Variants in ARHGAP29 observed in about 807,000 individuals in gnomAD.
ARHGAP29 encodes the protein Rho GTPase activating protein 29.
A neutral mutation model predicts 122.6 loss-of-function variants in ARHGAP29; 43 were observed. The ratio of observed to expected loss-of-function variants is 0.35; its 90% CI spans 0.27 to 0.45. The LOEUF is 0.45. ARHGAP29 is among the 20% of genes least tolerant of loss of function. The pLI, the probability that ARHGAP29 is intolerant of heterozygous loss-of-function variation, is 1.00. For synonymous variants in ARHGAP29, 506 were observed against 497.1 expected (o/e 1.02, Z -0.24); for missense variants, 1,303 against 1,477.2 (o/e 0.88, Z 1.93).
chr1:94,235,788 A>C (rs994316175), intron 1 of ARHGAP29, among the ~76,000 whole-genome samples: 9 of 152,198 alleles, frequency 5.9e-5, no homozygotes, highest in African/African-American at 1.9e-4. Flanking sequence ...CTTCCATTGT[A>C]TGTTGTAAAT....
chr1:94,309,480 C>T, the ARHGAP29 span, among the ~76,000 whole-genome samples: 7 of 152,308 alleles, frequency 4.6e-5, no homozygotes, highest in South Asian at 6.2e-4. Context: ...CACTCACAGC[C>T]GTTCCAAACA....
chr1:94,174,753 A>C lies in ARHGAP29; in HGVS notation c.2906-4T>G. The C allele has an allele frequency of 6.2e-7, 1 of 1,608,800 alleles. No individual in the cohort carries two copies. Among genetic ancestry groups the C allele is most frequent in the Non-Finnish European group, 8.5e-7 (1 of 1,177,874 alleles). ...TCTAGAAGCAACTGTGCTTTGTCTG[A>C]AAATGAAAGAAATCTATTTAAGTTT... On this transcript the variant is annotated splice_region_variant and splice_polypyrimidine_tract_variant and intron_variant, in intron 22 of 22. Coordinates refer to ENST00000260526, the MANE Select transcript of ARHGAP29 (RefSeq NM_004815.4).
chr1:94,299,841 G>A, the ARHGAP29 span, among the ~76,000 whole-genome samples: 2 of 152,110 alleles, frequency 1.3e-5, no homozygotes, highest in South Asian at 2.1e-4. Flanking sequence ...TTATCTGGAG[G>A]GACTGGGCAG....
intron 1 of ARHGAP29, among the ~76,000 whole-genome samples, chr1:94,253,818 G>A (rs1654218313): frequency 6.6e-6 from 1 of 152,194 alleles, no homozygotes; most frequent in South Asian, 2.1e-4. Flanking sequence ...TACTACTAGT[G>A]ACTTAGTGAC....
chr1:94,200,788 T>C (rs1366324300), intron 12 of ARHGAP29, among the ~76,000 whole-genome samples: 1 of 152,204 alleles, frequency 6.6e-6, no homozygotes, highest in Non-Finnish European at 1.5e-5. Flanking sequence ...CAAAAGGTTA[T>C]ATACTATATG....
intron 1 of ARHGAP29, among the ~76,000 whole-genome samples, chr1:94,268,196 A>T (rs1321081056): frequency 1.3e-5 from 2 of 152,216 alleles, no homozygotes; most frequent in Non-Finnish European, 2.9e-5. Flanking sequence ...TTTGTATTAC[A>T]TGGCAAGACC....
Position 94,174,437 on chromosome 1 carries a change from T to C in ARHGAP29, c.3218A>G (p.Asp1073Gly), listed in dbSNP as rs750287257. ...TTVCSKFNGF[D>G]QQTLQKIQDK... ...CTGAATTTTCTGTAGAGTTTGCTGG[T>C]CAAAGCCATTAAATTTGGAACAAAC... The change falls in exon 23 of 23, where the codon GAC (aspartate) becomes GGC (glycine). Residue 1073 changes from aspartate to glycine, a missense_variant. By Grantham distance (94) the Asp-to-Gly change is moderately conservative. Transcript: ENST00000260526. 1.6e-4 allele frequency: 257 copies of C among 1,614,120 alleles called. No individual in the cohort carries two copies. The highest frequency in any genetic ancestry group is 2.1e-4 in the Non-Finnish European group (250 of 1,180,052).
chr1:94,174,698 AT>A lies in ARHGAP29; in HGVS notation c.2956del (p.Ile986Ter). ...TGGCTTAGGGGTTTTACCATCTTCT[AT>A]CTTTTGGGATGCTGATTCAGCCTCT... The part of the protein sequence containing the change: ...DQEAESASQK[I>X]EDGKTPKPLS... On this transcript the variant is annotated frameshift_variant, in exon 23 of 23. Transcript: ENST00000260526. LOFTEE classifies it low-confidence loss of function (END_TRUNC). The A allele has an allele frequency of 6.2e-7, 1 of 1,614,082 alleles. No homozygotes were observed. The highest frequency in any genetic ancestry group is 8.5e-7 in the Non-Finnish European group (1 of 1,180,006).
the ARHGAP29 span, among the ~76,000 whole-genome samples, chr1:94,287,501 T>G: frequency 6.6e-6 from 1 of 150,710 alleles, no homozygotes; most frequent in South Asian, 2.1e-4. Context: ...CTTTTACTAT[T>G]ATTATTATTA....
At chr1:94,190,138 A>G (rs1397856293) in intron 12 of ARHGAP29, 55 bp from the exon 13 acceptor site, 2 of 1,558,784 alleles carry the variant, frequency 1.3e-6, no homozygotes, top group Admixed American at 3.6e-5. Flanking sequence ...AATGCTATAT[A>G]AACATACATT....
chr1:94,248,818 T>G (rs1255831215), intron 1 of ARHGAP29, among the ~76,000 whole-genome samples: 1 of 152,218 alleles, frequency 6.6e-6, no homozygotes, highest in African/African-American at 2.4e-5. Flanking sequence ...TACTCCCATC[T>G]CAGCCTCCTG....
Position 94,174,724 on chromosome 1 carries a change from T to C in ARHGAP29, c.2931A>G (p.Gln977=). Residue 977 remains glutamine (Q), a synonymous_variant, in exon 23 of 23, where the codon CAA becomes CAG. Transcript: ENST00000260526. ...LSDKAQLLLD[Q]EAESASQKIE... Reference sequence around the variant, plus strand: ...TCTTTTGGGATGCTGATTCAGCCTCTTGGTCTAGAAGCAACTGTGCTTTGT... The same window carrying C: ...TCTTTTGGGATGCTGATTCAGCCTCCTGGTCTAGAAGCAACTGTGCTTTGT... 2 of 1,614,056 alleles carry C rather than the reference T, an allele frequency of 1.2e-6. No individual in the cohort carries two copies. The highest frequency in any genetic ancestry group is 1.7e-6 in the Non-Finnish European group (2 of 1,179,998).
chr1:94,253,660 G>A (rs1015053588), intron 1 of ARHGAP29, among the ~76,000 whole-genome samples: 3 of 151,656 alleles, frequency 2.0e-5, no homozygotes, highest in Non-Finnish European at 2.9e-5. Context: ...ACGCACGCAC[G>A]CACGCACGCA....
At chr1:94,201,493 T>TTTCC (rs1650843237) in intron 12 of ARHGAP29, among the ~76,000 whole-genome samples, 1 of 148,220 alleles carries the variant, frequency 6.7e-6, no homozygotes, top group African/African-American at 2.5e-5. Flanking sequence ...CCCTCCCTTC[T>TTTCC]TTCCTTCCTT....
intron 2 of ARHGAP29, among the ~76,000 whole-genome samples, chr1:94,222,112 G>T (rs1652335952): frequency 6.6e-6 from 1 of 152,114 alleles, no homozygotes; most frequent in African/African-American, 2.4e-5. Context: ...AGTAGTATTG[G>T]ATTATAACCT....
chr1:94,288,426 A>T, the ARHGAP29 span, among the ~76,000 whole-genome samples: 3 of 151,788 alleles, frequency 2.0e-5, no homozygotes, highest in Admixed American at 6.6e-5. Flanking sequence ...GATTGCAAAA[A>T]TTTTCTCCCA....
chr1:94,268,454 A>G (rs777804095), intron 1 of ARHGAP29, among the ~76,000 whole-genome samples: 2 of 151,720 alleles, frequency 1.3e-5, no homozygotes, highest in African/African-American at 2.4e-5. Flanking sequence ...ATTCTGCTCA[A>G]TTTTTTTTCT....
At chr1:94,226,302 T>G (rs1407137372) in intron 2 of ARHGAP29, among the ~76,000 whole-genome samples, 1 of 152,018 alleles carries the variant, frequency 6.6e-6, no homozygotes, top group Non-Finnish European at 1.5e-5. Context: ...CCAGGGATTA[T>G]GAAAATAATA....
At chr1:94,313,769 A>G in the ARHGAP29 span, among the ~76,000 whole-genome samples, 1 of 152,216 alleles carries the variant, frequency 6.6e-6, no homozygotes, top group Non-Finnish European at 1.5e-5. Flanking sequence ...ACTGTGGCAC[A>G]TATATACCAT....
Sources: allele counts gnomAD v4.1 joint callset (sites outside exome capture counted in the v4.1 genomes callset), GRCh38; gene constraint gnomAD v4.1.1; transcripts MANE v1.5; gene names NCBI Gene and HGNC (gene_info 2026-07-23, HGNC 2026-07-21).